TRAPPC13: variants seen among roughly 807,000 people sequenced by gnomAD.
TRAPPC13 encodes the protein trafficking protein particle complex subunit 13.
In TRAPPC13, 39 loss-of-function variants were observed where a neutral mutation model predicts 54.0. The ratio of observed to expected loss-of-function variants is 0.72; its 90% confidence interval spans 0.56 to 0.94. TRAPPC13 has a LOEUF of 0.94. Ranked by LOEUF, TRAPPC13 falls within the 40% of genes least tolerant of loss-of-function variation. The probability of loss-of-function intolerance (pLI) is 0.00; values close to 1 mark genes in which losing one functional copy is unlikely to be tolerated. For missense variants in TRAPPC13, 386 were observed against 488.1 expected (o/e 0.79, Z 1.97); for synonymous variants, 148 against 167.7 (o/e 0.88, Z 0.91).
chr5:65,625,215 T>C, intron 1 of TRAPPC13, 109 bp downstream of exon 1: 2 of 916,732 alleles, frequency 2.2e-6, no homozygotes, highest in Non-Finnish European at 3.5e-6. Flanking sequence ...GTGCTCGCCC[T>C]CCTGCTCTGT....
At chr5:65,659,406 C>T (rs904557926) in intron 9 of TRAPPC13, among the ~76,000 whole-genome samples, 1 of 152,078 alleles carries the variant, frequency 6.6e-6, no homozygotes, top group African/African-American at 2.4e-5. Context: ...TTTTACTATT[C>T]AAAGCATTTG....
chr5:65,660,461 G>A (rs1053395813), intron 9 of TRAPPC13, among the ~76,000 whole-genome samples: 5 of 150,254 alleles, frequency 3.3e-5, no homozygotes, highest in Non-Finnish European at 7.4e-5. Flanking sequence ...CCTGCCTTTC[G>A]GGGTCCAATT....
intron 1 of TRAPPC13, chr5:65,630,349 A>G (rs1755481535): frequency 6.8e-7 from 1 of 1,476,864 alleles, no homozygotes; most frequent in African/African-American, 1.4e-5. Context: ...AATGAATTCC[A>G]CTGATTGTCA....
intron 4 of TRAPPC13, among the ~76,000 whole-genome samples, 193 bp from the exon 5 acceptor site, chr5:65,646,862 T>TG (rs1019346566): frequency 1.2e-4 from 18 of 151,966 alleles, no homozygotes; most frequent in African/African-American, 3.6e-4. Flanking sequence ...TTTTTGGGGT[T>TG]GGGGGGGTGT....
At chr5:65,641,651 C>T (rs991399022) in intron 4 of TRAPPC13, among the ~76,000 whole-genome samples, 1 of 150,382 alleles carries the variant, frequency 6.6e-6, no homozygotes, top group African/African-American at 2.4e-5. Context: ...TTCGAGGCTG[C>T]AGTGAGCTAT....
rs183860002 is a variant in TRAPPC13 at position 65,634,351 on chromosome 5, G to A, written c.47-950G>A. Among the ~76,000 whole-genome samples the A allele has an allele frequency of 2.2e-4, 33 of 152,104 alleles. No homozygotes were observed. The East Asian group carries it at 5.2e-3, about 24-fold the overall frequency. ...TTTGAAAAACTAATATATCGGTATG[G>A]TCTTATATTAATAAGTCAATTAGTT... On this transcript the variant is annotated intron_variant, in intron 1 of 12. Transcript: ENST00000399438.
intron 9 of TRAPPC13, among the ~76,000 whole-genome samples, 180 bp downstream of exon 9, chr5:65,658,681 CTT>C (rs904913929): frequency 4.7e-5 from 7 of 149,764 alleles, no homozygotes; most frequent in Non-Finnish European, 5.9e-5. Context: ...CACAGTTTCT[CTT>C]GTTATTTACG....
At chr5:65,651,850 T>TTG (rs1756461217) in intron 6 of TRAPPC13, among the ~76,000 whole-genome samples, 4 of 24,632 alleles carry the variant, frequency 1.6e-4, no homozygotes, top group Admixed American at 6.1e-4. Context: ...CAGTTTTTTT[T>TTG]TTTTTTTTTT....
intron 1 of TRAPPC13, among the ~76,000 whole-genome samples, chr5:65,633,980 T>G (rs1356490118): frequency 1.0e-4 from 3 of 29,114 alleles, no homozygotes; most frequent in Non-Finnish European, 1.8e-4. Context: ...TCCCAGCGTT[T>G]TTTTTTTTTT....
chr5:65,660,885 A>G lies in TRAPPC13; in HGVS notation c.885A>G (p.Gln295=), dbSNP rs372241106. ...AAAGGGGAAGGTTACAGACCAGCCA[A>G]CTTCAAAGAATGGTGAGTCTGGAAA... is the stretch of plus-strand genomic sequence containing the variant. ...LGERGRLQTS[Q]LQRMAPGYGD... is the part of the protein sequence containing the mutation. The change falls in exon 10 of 13, where the codon CAA becomes CAG. Residue 295 remains glutamine (Q), a synonymous_variant. Coordinates refer to ENST00000399438, the MANE Select transcript of TRAPPC13 (RefSeq NM_024941.4). 21 of 1,609,154 alleles carry G rather than the reference A, an allele frequency of 1.3e-5. No individual in the cohort carries two copies. Among genetic ancestry groups the G allele is most frequent in the Non-Finnish European group, 1.7e-5 (20 of 1,177,778 alleles).
intron 4 of TRAPPC13, among the ~76,000 whole-genome samples, chr5:65,645,491 T>C (rs1756156019): frequency 6.6e-6 from 1 of 151,940 alleles, no homozygotes; most frequent in Non-Finnish European, 1.5e-5. Context: ...CATAAAATTG[T>C]TGGGTTAGAA....
At chr5:65,634,880 C>T (rs981737776) in intron 1 of TRAPPC13, 2 of 656,976 alleles carry the variant, frequency 3.0e-6, no homozygotes, top group Non-Finnish European at 3.8e-6. Context: ...GCCTGGGTGA[C>T]AGAGTAAGCC....
intron 1 of TRAPPC13, among the ~76,000 whole-genome samples, chr5:65,633,772 CT>C (rs1195913917): frequency 1.3e-5 from 2 of 150,338 alleles, no homozygotes; most frequent in Non-Finnish European, 1.5e-5. Flanking sequence ...TATTCAATTT[CT>C]TTTTTTTTAC....
At position 65,660,946 on chromosome 5, in the gene TRAPPC13, T is replaced by C. The variant is rs529439169; in HGVS notation, c.897+49T>C. The C allele has an allele frequency of 2.0e-5, 30 of 1,471,516 alleles. No homozygotes were observed. The South Asian group carries it at 3.4e-4, about 17-fold the overall frequency. The allele number at this position is 1,471,516 out of a possible 1,614,324, so 91.2% of individuals were successfully genotyped here. On this transcript the variant is annotated intron_variant, in intron 10 of 12. Coordinates refer to ENST00000399438, the MANE Select transcript of TRAPPC13 (RefSeq NM_024941.4). ...GGGGTTTTGGTGTGTGAAAGACAGG[T>C]AGTTAGAACAACTTAATTTTTTCTA...
chr5:65,662,235 T>C (rs1449438196), intron 11 of TRAPPC13, 85 bp downstream of exon 11: 1 of 934,680 alleles, frequency 1.1e-6, no homozygotes. Flanking sequence ...ACTATCTCCT[T>C]TTAAGTTTTC....
intron 10 of TRAPPC13, 64 bp from the exon 11 acceptor site, chr5:65,661,986 G>A: frequency 1.7e-6 from 2 of 1,179,932 alleles, no homozygotes; most frequent in South Asian, 1.5e-5. Context: ...CTGCTGTGGT[G>A]CCTTCATTAA....
At position 65,662,076 on chromosome 5, in the gene TRAPPC13, G is replaced by T. The variant is rs1329571816; in HGVS notation, c.924G>T (p.Leu308Phe). ...CTCCAGGTTATGGAGATGTTAGGTT[G>T]TCTTTGGAGGCAATACCAGATACCG... ...RMAPGYGDVR[L>F]SLEAIPDTVN... The change falls in exon 11 of 13, where the codon TTG becomes TTT. Residue 308 changes from leucine to phenylalanine, a missense_variant. Leu to Phe is a conservative substitution (Grantham distance 22). Transcript: ENST00000399438. 2.5e-6 allele frequency: 4 copies of T among 1,608,092 alleles called. No homozygotes were observed.
intron 7 of TRAPPC13, among the ~76,000 whole-genome samples, chr5:65,654,778 GA>G (rs1442708922): frequency 6.6e-6 from 1 of 152,198 alleles, no homozygotes; most frequent in Non-Finnish European, 1.5e-5. Flanking sequence ...AGTCTTCTAA[GA>G]TAGAAAAGCC....
intron 8 of TRAPPC13, 185 bp from the exon 9 acceptor site, chr5:65,658,183 C>T: frequency 4.1e-6 from 2 of 488,222 alleles, no homozygotes; most frequent in South Asian, 3.5e-5. Context: ...CTTGACTTTG[C>T]CCCTGTTAAT....
Sources: gnomAD v4.1 joint callset for allele counts (sites outside exome capture counted in the v4.1 genomes callset) on GRCh38, gnomAD v4.1.1 for gene constraint, MANE v1.5 for transcripts, NCBI Gene and HGNC (gene_info 2026-07-23, HGNC 2026-07-21) for gene names.